CYP4F12: variants seen among roughly 807,000 people sequenced by gnomAD.
The protein encoded by CYP4F12 is cytochrome P450 family 4 subfamily F member 12.
Under a neutral mutation model 56.5 loss-of-function variants are expected in CYP4F12, and 60 were observed. The ratio of observed to expected loss-of-function variants is 1.06; its 90% CI spans 0.86 to 1.32. The LOEUF (loss-of-function observed/expected upper bound fraction) is 1.32. Among genes scored for constraint, CYP4F12 ranks in the 40% most tolerant of loss-of-function variants. The pLI is 0.00. For synonymous variants in CYP4F12, 263 were observed against 264.9 expected, an observed-to-expected ratio of 0.99 and a Z score of 0.07; for missense variants, 711 against 683.5, an observed-to-expected ratio of 1.04 and a Z score of -0.45.
intron 3 of CYP4F12, among the ~76,000 whole-genome samples, chr19:15,679,742 A>AAAAT (rs2007179917): frequency 6.6e-6 from 1 of 152,214 alleles, no homozygotes; most frequent in Non-Finnish European, 1.5e-5. Context: ...TCCCTGAGCC[A>AAAAT]GGTTTCGGAA....
Position 15,677,109 on chromosome 19 carries a change from CTGCTCACTCACTCATTCATA to C in CYP4F12, c.199-1150_199-1131del, listed in dbSNP as rs1568413975. On this transcript the variant is annotated intron_variant, in intron 2 of 12. Transcript: ENST00000550308. Reference sequence around the variant, plus strand: ...TTCCTCTCCTCACTCACTCATTCCTCTGCTCACTCACTCATTCATATCCTCACTCACTCATTCCTCTACCC... The same window carrying C: ...TTCCTCTCCTCACTCACTCATTCCTCTCCTCACTCACTCATTCCTCTACCC... 1.8e-3 allele frequency among the ~76,000 whole-genome samples: 213 copies of C among 117,138 alleles called. 23 individuals are homozygous for C. The highest frequency in any genetic ancestry group is 2.7e-3 in the Non-Finnish European group (145 of 54,578). 76.8% of individuals were successfully genotyped at this position (117,138 alleles called of 152,430 possible).
intron 9 of CYP4F12, among the ~76,000 whole-genome samples, chr19:15,695,030 C>T (rs548458835): frequency 1.5e-4 from 23 of 152,198 alleles, no homozygotes; most frequent in Middle Eastern, 3.4e-3. Context: ...ATAAATCATG[C>T]GGCTATAAAG....
chr19:15,696,367 G>C, intron 11 of CYP4F12, 63 bp from the exon 12 acceptor site: 1 of 1,612,142 alleles, frequency 6.2e-7, no homozygotes, highest in Non-Finnish European at 8.5e-7. Flanking sequence ...ACACACAAGT[G>C]TCTCTCCAAG....
intron 2 of CYP4F12, 22 bp from the exon 3 acceptor site, chr19:15,678,239 A>G (rs750640431): frequency 1.9e-6 from 3 of 1,614,042 alleles, no homozygotes; most frequent in South Asian, 1.1e-5. Flanking sequence ...ACAGGAAGTG[A>G]CAGCCCTTGA....
At chr19:15,680,560 G>A (rs371223441) in intron 5 of CYP4F12, 41 bp downstream of exon 5, 2 of 1,613,744 alleles carry the variant, frequency 1.2e-6, no homozygotes, top group African/African-American at 2.7e-5. Context: ...GAGTCTTGGG[G>A]TGGAGGGACC....
In CYP4F12 at chr19:15,694,887, C is replaced by T. The variant is rs543173882; in HGVS notation, c.1116-1049C>T. 2.3e-3 allele frequency among the ~76,000 whole-genome samples: 343 copies of T among 152,342 alleles called. 4 individuals are homozygous for T. The highest frequency in any genetic ancestry group is 1.1e-3 in the Non-Finnish European group (75 of 68,038). On this transcript the variant is annotated intron_variant, in intron 9 of 12. Transcript: ENST00000550308. ...GACAGGATGTGGAGAAATAGGAACA[C>T]TTTTACACTGTTGGTGGGACTGTAA...
chr19:15,691,213 T>C (rs2007854109), intron 9 of CYP4F12, among the ~76,000 whole-genome samples: 1 of 152,236 alleles, frequency 6.6e-6, no homozygotes, highest in Admixed American at 6.5e-5. Context: ...TGTATACTAT[T>C]CCATTGTGTG....
rs1266584059 is a variant in CYP4F12 at position 15,685,198 on chromosome 19, G to A, written c.1115+1G>A. ...ACCGCGATCCTAAAGAGATTGAATGGTGAGTGCAAGTTCTTCTGGCCTGTT... is the reference window on the plus strand; with the variant it reads ...ACCGCGATCCTAAAGAGATTGAATGATGAGTGCAAGTTCTTCTGGCCTGTT... On this transcript the variant is annotated splice_donor_variant, in intron 9 of 12. Coordinates refer to ENST00000550308, the MANE Select transcript of CYP4F12 (RefSeq NM_023944.4). LOFTEE classifies it high-confidence loss of function. 24 of 1,613,696 alleles carry A rather than the reference G, an allele frequency of 1.5e-5. No homozygotes were observed. Among genetic ancestry groups the A allele is most frequent in the Non-Finnish European group, 2.0e-5 (24 of 1,179,780 alleles).
At chr19:15,693,500 G>C (rs538918066) in intron 9 of CYP4F12, among the ~76,000 whole-genome samples, 105 of 150,658 alleles carry the variant, frequency 7.0e-4, no homozygotes, top group African/African-American at 2.3e-3. Flanking sequence ...CTTTTGAGAA[G>C]TGTCTGTTCA....
At chr19:15,677,698 T>G (rs887658964) in intron 2 of CYP4F12, among the ~76,000 whole-genome samples, 1,020 of 2,562 alleles carry the variant, frequency 0.4, 440 homozygotes, top group East Asian at 1. Flanking sequence ...CTCTCCTCCC[T>G]CACTTATTCC....
intron 9 of CYP4F12, among the ~76,000 whole-genome samples, chr19:15,688,025 C>T (rs937969909): frequency 6.6e-6 from 1 of 152,172 alleles, no homozygotes; most frequent in Non-Finnish European, 1.5e-5. Flanking sequence ...AGTTCAGAAG[C>T]TGGGTGCCTG....
Position 15,685,132 on chromosome 19 carries a change from C to A in CYP4F12, c.1050C>A (p.Tyr350Ter). 1 of 1,614,190 alleles carries A rather than the reference C, an allele frequency of 6.2e-7. No individual in the cohort carries two copies. Among genetic ancestry groups the A allele is most frequent in the Admixed American group, 1.7e-5 (1 of 60,032 alleles). The change falls in exon 9 of 13, where the codon TAC becomes TAA. Residue 350 changes from tyrosine to a stop codon, truncating the protein, a stop_gained. Coordinates refer to ENST00000550308, the MANE Select transcript of CYP4F12 (RefSeq NM_023944.4). LOFTEE classifies it high-confidence loss of function. Reference protein sequence around the residue: ...VLYNLARHPEYQERCRQEVQE... With the variant: ...VLYNLARHPE ...ACAACCTTGCGAGGCACCCAGAATA[C>A]CAGGAGCGCTGCCGACAGGAGGTGC...
At chr19:15,682,222 T>G in intron 5 of CYP4F12, 167 bp from the exon 6 acceptor site, 1 of 841,342 alleles carries the variant, frequency 1.2e-6, no homozygotes, top group Non-Finnish European at 1.8e-6. Flanking sequence ...TCATCTCCTA[T>G]ACTAACAGTT....
At chr19:15,677,107 C>T (rs201531863) in intron 2 of CYP4F12, among the ~76,000 whole-genome samples, 1 of 126,452 alleles carries the variant, frequency 7.9e-6, no homozygotes, top group East Asian at 2.7e-4. Context: ...TCACTCATTC[C>T]TCTGCTCACT....
chr19:15,689,406 T>C (rs2144751080), intron 9 of CYP4F12, among the ~76,000 whole-genome samples: 1 of 152,204 alleles, frequency 6.6e-6, no homozygotes, highest in South Asian at 2.1e-4. Flanking sequence ...AAAACCACAA[T>C]GAGATACCAT....
At chr19:15,687,638 CTG>C (rs950986588) in intron 9 of CYP4F12, among the ~76,000 whole-genome samples, 7 of 144,038 alleles carry the variant, frequency 4.9e-5, no homozygotes, top group Non-Finnish European at 9.1e-5. Context: ...AGGTGAAAAA[CTG>C]TGAATCCTCA....
chr19:15,682,556 G>A, intron 6 of CYP4F12, 46 bp downstream of exon 6: 1 of 1,608,412 alleles, frequency 6.2e-7, no homozygotes, highest in South Asian at 1.1e-5. Flanking sequence ...TGGACCAAAG[G>A]GAGAAAGTTG....
At chr19:15,679,844 C>T (rs776267973) in intron 3 of CYP4F12, among the ~76,000 whole-genome samples, 18 of 152,316 alleles carry the variant, frequency 1.2e-4, no homozygotes, top group Non-Finnish European at 2.2e-4. Context: ...TATCTGGGGC[C>T]TGTCTGTGGG....
At chr19:15,677,913 CATGCACTCATTCCTCTCCTT>C (rs2007064374) in intron 2 of CYP4F12, among the ~76,000 whole-genome samples, 1 of 110,332 alleles carries the variant, frequency 9.1e-6, no homozygotes, top group Non-Finnish European at 2.1e-5. Context: ...TTCCTCTACC[CATGCACTCATTCCTCTCCTT>C]ACTCACTCAT....
Sources: allele counts gnomAD v4.1 joint callset (sites outside exome capture counted in the v4.1 genomes callset), GRCh38; gene constraint gnomAD v4.1.1; transcripts MANE v1.5; gene names NCBI Gene and HGNC (gene_info 2026-07-23, HGNC 2026-07-21).